Variants in TYW1B observed in about 807,000 individuals in gnomAD.
TYW1B encodes the protein tRNA-yW synthesizing protein 1 homolog B, also known as S-adenosyl-L-methionine-dependent tRNA 4-demethylwyosine synthase TYW1B.
TYW1B carries 73 observed loss-of-function variants against 86.9 expected under a neutral mutation model. That is an observed-to-expected ratio of 0.84 (90% CI 0.70 to 1.02). The LOEUF is 1.02. TYW1B is among the 50% of genes least tolerant of loss of function. TYW1B has a pLI of 0.00. For missense variants in TYW1B, 637 were observed against 827.4 expected (o/e 0.77, Z 2.82); for synonymous variants, 248 against 292.8 (o/e 0.85, Z 1.56).
At chr7:72,667,063 A>C (rs1223916833) in intron 11 of TYW1B, among the ~76,000 whole-genome samples, 2 of 150,152 alleles carry the variant, frequency 1.3e-5, no homozygotes, top group South Asian at 2.1e-4. Flanking sequence ...AAACTAAAAC[A>C]GGGTAAAATG....
chr7:72,711,244 G>A (rs1480744242), intron 10 of TYW1B, among the ~76,000 whole-genome samples: 1 of 150,878 alleles, frequency 6.6e-6, no homozygotes, highest in Non-Finnish European at 1.5e-5. Context: ...CGCGCAGAAA[G>A]ATATATGGGA....
intron 9 of TYW1B, among the ~76,000 whole-genome samples, chr7:72,723,389 A>C (rs1270370087): frequency 6.6e-6 from 1 of 152,148 alleles, no homozygotes; most frequent in Non-Finnish European, 1.5e-5. Context: ...AATTGACTAT[A>C]ATTGCCATTT....
intron 6 of TYW1B, among the ~76,000 whole-genome samples, chr7:72,783,783 T>C (rs1445057504): frequency 3.3e-5 from 5 of 152,220 alleles, no homozygotes; most frequent in African/African-American, 1.2e-4. Flanking sequence ...TGGGGACTCA[T>C]TGTTAAGTGC....
chr7:72,664,325 A>C (rs1813409243), intron 11 of TYW1B, among the ~76,000 whole-genome samples: 1 of 150,132 alleles, frequency 6.7e-6, no homozygotes, highest in Admixed American at 6.6e-5. Flanking sequence ...CCATAGGCTT[A>C]TTTTGCTGTT....
intron 11 of TYW1B, among the ~76,000 whole-genome samples, chr7:72,658,891 T>G (rs545461760): frequency 1.1e-4 from 16 of 152,232 alleles, no homozygotes; most frequent in East Asian, 7.8e-4. Flanking sequence ...CAGCTAATTT[T>G]TGTATTTTTA....
At chr7:72,599,894 GC>G (rs1811618348) in intron 13 of TYW1B, among the ~76,000 whole-genome samples, 1 of 152,016 alleles carries the variant, frequency 6.6e-6, no homozygotes, top group South Asian at 2.1e-4. Flanking sequence ...TCAGTAAATG[GC>G]AGGATATTCC....
At chr7:72,768,468 C>A (rs1226259746) in intron 7 of TYW1B, among the ~76,000 whole-genome samples, 1 of 152,090 alleles carries the variant, frequency 6.6e-6, no homozygotes, top group South Asian at 2.1e-4. Flanking sequence ...TTGTCATTTT[C>A]ACCTAAAGAA....
chr7:72,577,319 T>C (rs1811045568), intron 13 of TYW1B, among the ~76,000 whole-genome samples: 1 of 152,176 alleles, frequency 6.6e-6, no homozygotes, highest in African/African-American at 2.4e-5. Context: ...ATGCTGAATA[T>C]GCGGAAAAGT....
At chr7:72,709,184 T>C (rs1211829741) in intron 10 of TYW1B, among the ~76,000 whole-genome samples, 1 of 152,206 alleles carries the variant, frequency 6.6e-6, no homozygotes. Flanking sequence ...GTTCTTCTCT[T>C]TCTAGATAGG....
At chr7:72,713,890 A>G (rs138896426) in intron 9 of TYW1B, 92 bp from the exon 10 acceptor site, 122,623 of 1,326,334 alleles carry the variant, frequency 0.092, 6,148 homozygotes, top group African/African-American at 0.11. Flanking sequence ...TATAGAGCAA[A>G]TTCATTTTTG....
chr7:72,747,662 A>AGG (rs2129571408), intron 7 of TYW1B, among the ~76,000 whole-genome samples: 1 of 152,278 alleles, frequency 6.6e-6, no homozygotes, highest in Admixed American at 6.5e-5. Context: ...AAGCTATTCT[A>AGG]GGGCCTGTGT....
At chr7:72,756,235 T>TATTTTA (rs1787586611) in intron 7 of TYW1B, among the ~76,000 whole-genome samples, 2 of 151,070 alleles carry the variant, frequency 1.3e-5, no homozygotes, top group Admixed American at 1.3e-4. Context: ...TATTTTATTT[T>TATTTTA]ATTTTATTTT....
At chr7:72,585,344 T>C (rs1163993953) in intron 13 of TYW1B, among the ~76,000 whole-genome samples, 1 of 152,220 alleles carries the variant, frequency 6.6e-6, no homozygotes, top group Non-Finnish European at 1.5e-5. Context: ...AAATCTTATA[T>C]ATGAGCTGAA....
Position 72,828,171 on chromosome 7 carries a change from T to C in TYW1B, c.-96A>G. 3.8e-6 allele frequency: 6 copies of C among 1,585,256 alleles called. No homozygotes were observed. The South Asian group carries it at 6.9e-5, about 18-fold the overall frequency. ...GACGCACCGAGCTACCTCGCGGCGTTAGCGCCGTACCGAGTGGCTGCAGAA... is the reference window on the plus strand; with the variant it reads ...GACGCACCGAGCTACCTCGCGGCGTCAGCGCCGTACCGAGTGGCTGCAGAA... On this transcript the variant is annotated 5_prime_UTR_variant, in exon 1 of 14. Transcript: ENST00000620995.
chr7:72,683,641 A>G (rs1442500905), intron 11 of TYW1B, among the ~76,000 whole-genome samples: 1 of 152,136 alleles, frequency 6.6e-6, no homozygotes, highest in Non-Finnish European at 1.5e-5. Context: ...TTCCCCATAT[A>G]CCATACCATC....
At position 72,806,926 on chromosome 7, in the gene TYW1B, T is replaced by C. The variant is rs1358148192; in HGVS notation, c.723+140A>G. 2.4e-6 allele frequency: 3 copies of C among 1,237,646 alleles called. No homozygotes were observed. In the African/African-American group the frequency reaches 4.6e-5, roughly 19 times the overall value. 76.7% of individuals were successfully genotyped at this position (1,237,646 alleles called of 1,614,324 possible). On this transcript the variant is annotated intron_variant, in intron 5 of 13. Coordinates refer to ENST00000620995, the MANE Select transcript of TYW1B (RefSeq NM_001145440.3). ...CCTTGGCCTCCCAAAGTGTGGGGAT[T>C]ACAAGTGCGAGCCACTGCACTCAGC...
At chr7:72,801,086 C>T (rs1188001962) in intron 6 of TYW1B, among the ~76,000 whole-genome samples, 7 of 152,102 alleles carry the variant, frequency 4.6e-5, no homozygotes, top group African/African-American at 1.7e-4. Flanking sequence ...CCCAGCACCA[C>T]AGGAGGCCAA....
intron 6 of TYW1B, 133 bp downstream of exon 6, chr7:72,802,267 A>G: frequency 6.8e-7 from 1 of 1,470,350 alleles, no homozygotes; most frequent in African/African-American, 1.4e-5. Flanking sequence ...CAAAAAAATT[A>G]TAAAACTCTC....
intron 11 of TYW1B, among the ~76,000 whole-genome samples, chr7:72,694,409 T>C (rs1383324483): frequency 1.3e-5 from 2 of 152,220 alleles, no homozygotes; most frequent in Non-Finnish European, 2.9e-5. Flanking sequence ...TTTGGGAGTA[T>C]ATATACCCCT....
Sources: allele counts gnomAD v4.1 joint callset (sites outside exome capture counted in the v4.1 genomes callset), GRCh38; gene constraint gnomAD v4.1.1; transcripts MANE v1.5; gene names NCBI Gene and HGNC (gene_info 2026-07-23, HGNC 2026-07-21).